The following PAIP2 variants were observed in gnomAD, a reference collection of about 807,000 sequenced individuals.
PAIP2 encodes poly(A) binding protein interacting protein 2, also known as polyadenylate-binding protein-interacting protein 2.
PAIP2 carries 7 observed loss-of-function variants against 14.8 expected under a neutral mutation model. The observed-to-expected ratio is 0.47, with a 90% CI of 0.27 to 0.89. The LOEUF (loss-of-function observed/expected upper bound fraction) is 0.89, where lower values mean the gene tolerates loss of function less well. Ranked by LOEUF, PAIP2 falls within the 40% of genes least tolerant of loss-of-function variation. The probability of loss-of-function intolerance (pLI) is 0.13; values close to 1 mark genes in which losing one functional copy is unlikely to be tolerated. For synonymous variants in PAIP2, 47 were observed against 45.3 expected (o/e 1.04, Z -0.15); for missense variants, 122 against 154.7 (o/e 0.79, Z 1.12).
At chr5:139,357,368 T>C (rs1460457311) in intron 1 of PAIP2, among the ~76,000 whole-genome samples, 2 of 152,222 alleles carry the variant, frequency 1.3e-5, no homozygotes, top group Non-Finnish European at 2.9e-5. Flanking sequence ...CCAGCTTTTC[T>C]TCCCAGGCTT....
intron 1 of PAIP2, among the ~76,000 whole-genome samples, chr5:139,362,932 T>C (rs760983315): frequency 6.6e-6 from 1 of 152,118 alleles, no homozygotes; most frequent in Non-Finnish European, 1.5e-5. Context: ...TGGACTTCAT[T>C]TACTGTTATC....
intron 1 of PAIP2, among the ~76,000 whole-genome samples, chr5:139,354,705 C>T (rs956152235): frequency 2.0e-5 from 3 of 152,076 alleles, no homozygotes; most frequent in African/African-American, 7.2e-5. Flanking sequence ...TTTCCTCATT[C>T]TGCTTCTCAG....
chr5:139,368,615 A>G lies in PAIP2; in HGVS notation c.319-118A>G, dbSNP rs1416544365. The G allele has an allele frequency of 1.0e-5, 7 of 700,700 alleles. No homozygotes were observed. The South Asian group carries it at 1.2e-4, about 12-fold the overall frequency. The allele number at this position is 700,700 out of a possible 1,614,324, so 43.4% of individuals were successfully genotyped here. On this transcript the variant is annotated intron_variant, in intron 3 of 3. Transcript: ENST00000265192. Reference sequence around the variant, plus strand: ...CCTTTTTGGGGTTTAGTATAGTCTTACAGACTGAGTTCTTTTGTCTTTTTT... The same window carrying G: ...CCTTTTTGGGGTTTAGTATAGTCTTGCAGACTGAGTTCTTTTGTCTTTTTT...
chr5:139,364,702 G>A lies in PAIP2; in HGVS notation c.277G>A (p.Asp93Asn). Reference protein sequence around the residue: ...TMDQIQDQFNDLVISDGSSLE... With the variant: ...TMDQIQDQFNNLVISDGSSLE... The stretch of plus-strand genomic sequence containing the variant: ...GGACCAAATCCAAGACCAGTTTAAT[G>A]ACCTTGTTATCAGTGATGGCTCTTC... Residue 93 changes from aspartate (D) to asparagine (N), a missense_variant, in exon 3 of 4, where the codon GAC (aspartate) becomes AAC (asparagine). Physicochemically the swap from Asp to Asn is conservative, Grantham distance 23. Around this residue, in one of 3 missense-constraint regions of PAIP2, gnomAD observed 46 missense variants for 44.0 expected, o/e 1.05. Transcript: ENST00000265192. 1.9e-6 allele frequency: 3 copies of A among 1,613,078 alleles called. No individual in the cohort carries two copies. In the Middle Eastern group the frequency reaches 5.0e-4, roughly 266 times the overall value.
Position 139,368,863 on chromosome 5 carries a change from A to T in PAIP2, c.*65A>T. The T allele has an allele frequency of 8.4e-7, 1 of 1,188,384 alleles. No individual in the cohort carries two copies. Among genetic ancestry groups the T allele is most frequent in the Non-Finnish European group, 1.2e-6 (1 of 804,046 alleles). 73.6% of individuals were successfully genotyped at this position (1,188,384 alleles called of 1,614,324 possible). On this transcript the variant is annotated 3_prime_UTR_variant, in exon 4 of 4. Coordinates refer to ENST00000265192, the MANE Select transcript of PAIP2 (RefSeq NM_016480.5). Reference sequence around the variant, plus strand: ...CACACTGTGAAGGCAGTATTAGAAGACTTAATTGTAAAAGCTCTCTTGTCA... The same window carrying T: ...CACACTGTGAAGGCAGTATTAGAAGTCTTAATTGTAAAAGCTCTCTTGTCA...
chr5:139,362,491 GC>G (rs1448797653), intron 1 of PAIP2, among the ~76,000 whole-genome samples: 1 of 138,454 alleles, frequency 7.2e-6, no homozygotes, highest in Non-Finnish European at 1.5e-5. Flanking sequence ...GCTCACCACA[GC>G]CTCCGCCTCC....
chr5:139,345,280 C>G (rs1756504397), intron 1 of PAIP2, among the ~76,000 whole-genome samples: 1 of 152,066 alleles, frequency 6.6e-6, no homozygotes, highest in East Asian at 1.9e-4. Flanking sequence ...ACCTCGTGAT[C>G]CAACGGCCTT....
chr5:139,365,663 C>CAA (rs58393182), intron 3 of PAIP2, among the ~76,000 whole-genome samples: 47 of 127,476 alleles, frequency 3.7e-4, no homozygotes, highest in Admixed American at 1.1e-3. Context: ...AAGACTGTCT[C>CAA]AAAAAAAAAA....
At chr5:139,356,904 A>C (rs1347895767) in intron 1 of PAIP2, among the ~76,000 whole-genome samples, 5 of 151,938 alleles carry the variant, frequency 3.3e-5, no homozygotes, top group Admixed American at 3.3e-4. Context: ...AAAAAAAAAA[A>C]AAAAGACATT....
intron 1 of PAIP2, among the ~76,000 whole-genome samples, chr5:139,347,802 G>A (rs550374201): frequency 6.6e-6 from 1 of 152,086 alleles, no homozygotes; most frequent in Admixed American, 6.6e-5. Flanking sequence ...TTGGACACTG[G>A]CTTAGAATGA....
chr5:139,352,323 T>A (rs993136698), intron 1 of PAIP2, among the ~76,000 whole-genome samples: 1 of 152,232 alleles, frequency 6.6e-6, no homozygotes, highest in East Asian at 1.9e-4. Flanking sequence ...TGCCGTGTTA[T>A]GAAGACGTGT....
intron 1 of PAIP2, among the ~76,000 whole-genome samples, chr5:139,349,293 G>C (rs1428235999): frequency 6.6e-6 from 1 of 151,946 alleles, no homozygotes; most frequent in Non-Finnish European, 1.5e-5. Flanking sequence ...CTGTCGCCCA[G>C]GCTGGAGTAC....
intron 1 of PAIP2, among the ~76,000 whole-genome samples, chr5:139,363,530 G>C: frequency 6.6e-6 from 1 of 152,106 alleles, no homozygotes; most frequent in East Asian, 1.9e-4. Context: ...AGACCAGCTT[G>C]GGTAACACAG....
chr5:139,364,397 A>G (rs1471126742), intron 2 of PAIP2, among the ~76,000 whole-genome samples, 167 bp from the exon 3 acceptor site: 1 of 152,216 alleles, frequency 6.6e-6, no homozygotes, highest in Non-Finnish European at 1.5e-5. Context: ...AACCCTAAAC[A>G]GATAGATCTT....
rs1369202310 is a variant in PAIP2 at position 139,369,386 on chromosome 5, G to C, written c.*588G>C. The C allele has an allele frequency of 1.3e-5, 2 of 152,746 alleles. No homozygotes were observed. The highest frequency in any genetic ancestry group is 2.9e-5 in the Non-Finnish European group (2 of 68,126). 9.5% of individuals were successfully genotyped at this position (152,746 alleles called of 1,614,324 possible). A position where few individuals can be genotyped will look rare whatever the true frequency, so the allele number is the denominator to read the frequency against. On this transcript the variant is annotated 3_prime_UTR_variant, in exon 4 of 4. Coordinates refer to ENST00000265192, the MANE Select transcript of PAIP2 (RefSeq NM_016480.5). The stretch of plus-strand genomic sequence containing the variant: ...TCTAATGTTACATCTGAGGAAGTAT[G>C]TAATTTGAGAATTGTAACTTCTAAG...
chr5:139,355,864 A>T (rs2152050160), intron 1 of PAIP2, among the ~76,000 whole-genome samples: 1 of 149,266 alleles, frequency 6.7e-6, no homozygotes, highest in South Asian at 2.1e-4. Context: ...CTCAAAAAAT[A>T]AATAGGCTGG....
At chr5:139,356,143 C>T (rs1446832782) in intron 1 of PAIP2, among the ~76,000 whole-genome samples, 5 of 144,438 alleles carry the variant, frequency 3.5e-5, no homozygotes, top group Non-Finnish European at 7.6e-5. Flanking sequence ...GTCTCAAAAA[C>T]GATACGTTAA....
chr5:139,343,040 A>G (rs990363133), intron 1 of PAIP2: 8 of 152,140 alleles, frequency 5.3e-5, no homozygotes, highest in African/African-American at 1.7e-4. Context: ...TCATTAGCAC[A>G]GTTAGATCAG....
chr5:139,352,855 G>A (rs1467596633), intron 1 of PAIP2, among the ~76,000 whole-genome samples: 3 of 151,376 alleles, frequency 2.0e-5, no homozygotes, highest in Admixed American at 6.6e-5. Context: ...GTTGGCTCAC[G>A]CCTGTAATCC....
Sources: gnomAD v4.1 joint callset for allele counts (sites outside exome capture counted in the v4.1 genomes callset) on GRCh38, gnomAD v4.1.1 for gene constraint, gnomAD v4.1.1 regional missense constraint, MANE v1.5 for transcripts, NCBI Gene and HGNC (gene_info 2026-07-23, HGNC 2026-07-21) for gene names.